The following EHBP1 variants were observed in gnomAD, a reference collection of about 807,000 sequenced individuals.
EHBP1 encodes EH domain-binding protein 1.
A neutral mutation model predicts 144.0 loss-of-function variants in EHBP1; 55 were observed. The observed-to-expected ratio is 0.38, with a 90% CI of 0.31 to 0.48. The LOEUF (loss-of-function observed/expected upper bound fraction) is 0.48. Ranked by LOEUF, EHBP1 falls within the 20% of genes least tolerant of loss-of-function variation. The pLI is 0.98. For missense variants in EHBP1, 1,200 were observed against 1,364.2 expected (o/e 0.88, Z 1.90); for synonymous variants, 469 against 472.7 (o/e 0.99, Z 0.10).
intron 1 of EHBP1, among the ~76,000 whole-genome samples, chr2:62,695,871 C>T (rs912558718): frequency 1.3e-5 from 2 of 152,050 alleles, no homozygotes; most frequent in African/African-American, 4.8e-5. Context: ...TGCCACCGCA[C>T]CCAGCTAATT....
At position 62,798,358 on chromosome 2, in the gene EHBP1, A is replaced by C. The variant is rs955152402; in HGVS notation, c.312+26966A>C. Reference sequence around the variant, plus strand: ...ACTCCAGCCTGGGTGACAGAGTGAGACTCCGTCAAAAAAAAAAAAAGAAAG... The same window carrying C: ...ACTCCAGCCTGGGTGACAGAGTGAGCCTCCGTCAAAAAAAAAAAAAGAAAG... On this transcript the variant is annotated intron_variant, in intron 5 of 22. Coordinates refer to ENST00000431489, the MANE Select transcript of EHBP1 (RefSeq NM_001142616.3). 6.6e-5 allele frequency among the ~76,000 whole-genome samples: 10 copies of C among 151,040 alleles called. No homozygotes were observed. The South Asian group carries it at 1.3e-3, about 19-fold the overall frequency.
intron 7 of EHBP1, among the ~76,000 whole-genome samples, chr2:62,851,262 A>C (rs573662237): frequency 6.6e-6 from 1 of 152,166 alleles, no homozygotes; most frequent in Non-Finnish European, 1.5e-5. Context: ...TGATCACAAC[A>C]ACCTTCATGA....
intron 1 of EHBP1, among the ~76,000 whole-genome samples, chr2:62,678,522 C>T (rs1425630299): frequency 3.3e-5 from 5 of 152,126 alleles, no homozygotes; most frequent in Admixed American, 1.3e-4. Flanking sequence ...TAACCTAGGG[C>T]CAGCATTAGA....
chr2:62,725,654 C>T (rs191867383), intron 2 of EHBP1, among the ~76,000 whole-genome samples: 2 of 152,228 alleles, frequency 1.3e-5, no homozygotes, highest in African/African-American at 4.8e-5. Flanking sequence ...GCCGAGGCTC[C>T]CATTGAAATA....
intron 2 of EHBP1, among the ~76,000 whole-genome samples, chr2:62,711,662 G>A (rs1159089512): frequency 1.3e-5 from 2 of 152,160 alleles, no homozygotes; most frequent in Non-Finnish European, 2.9e-5. Context: ...AGGCACTTCA[G>A]CATATAGAGG....
At chr2:62,724,947 G>A (rs985403064) in intron 2 of EHBP1, among the ~76,000 whole-genome samples, 1 of 152,178 alleles carries the variant, frequency 6.6e-6, no homozygotes, top group Non-Finnish European at 1.5e-5. Flanking sequence ...TGTCTTCCAT[G>A]AAATTGGTTC....
intron 5 of EHBP1, among the ~76,000 whole-genome samples, chr2:62,785,464 A>G (rs146595419): frequency 1.1e-4 from 17 of 152,262 alleles, no homozygotes; most frequent in African/African-American, 4.1e-4. Flanking sequence ...TTAGTGACTC[A>G]TTTCAAGGGC....
chr2:62,903,172 A>T (rs1405442435), intron 10 of EHBP1, among the ~76,000 whole-genome samples: 3 of 152,200 alleles, frequency 2.0e-5, no homozygotes, highest in African/African-American at 7.2e-5. Context: ...GGGCAAATTT[A>T]TGAGGAAAAA....
chr2:63,033,649 C>T (rs1033928478), intron 19 of EHBP1, among the ~76,000 whole-genome samples: 2 of 152,018 alleles, frequency 1.3e-5, no homozygotes, highest in Non-Finnish European at 2.9e-5. Context: ...TTCATAATTT[C>T]TGGTTTTTGA....
At chr2:62,973,437 A>T (rs1452864459) in intron 14 of EHBP1, among the ~76,000 whole-genome samples, 1 of 152,228 alleles carries the variant, frequency 6.6e-6, no homozygotes, top group East Asian at 1.9e-4. Context: ...TACTTTGGGA[A>T]TCATATAGTT....
chr2:62,866,472 T>A (rs966906956), intron 9 of EHBP1, among the ~76,000 whole-genome samples: 1 of 152,158 alleles, frequency 6.6e-6, no homozygotes, highest in Non-Finnish European at 1.5e-5. Flanking sequence ...AAGATCAACC[T>A]GGTAAAATAA....
chr2:62,680,841 C>T (rs182899398), intron 1 of EHBP1, among the ~76,000 whole-genome samples: 3 of 152,104 alleles, frequency 2.0e-5, no homozygotes, highest in Non-Finnish European at 2.9e-5. Flanking sequence ...TCGTTAGAAC[C>T]TAACTTTGGA....
At chr2:62,898,856 G>C (rs1383010281) in intron 10 of EHBP1, among the ~76,000 whole-genome samples, 1 of 152,124 alleles carries the variant, frequency 6.6e-6, no homozygotes, top group Non-Finnish European at 1.5e-5. Flanking sequence ...AGAATGTAAG[G>C]ATAATTTTGT....
At chr2:62,953,488 G>T (rs2057516496) in intron 13 of EHBP1, among the ~76,000 whole-genome samples, 1 of 151,858 alleles carries the variant, frequency 6.6e-6, no homozygotes, top group Admixed American at 6.6e-5. Flanking sequence ...GGTCAAGGCT[G>T]CAGTGAGCTG....
chr2:62,794,670 G>GT (rs1188216030), intron 5 of EHBP1, among the ~76,000 whole-genome samples: 3 of 151,918 alleles, frequency 2.0e-5, no homozygotes, highest in Middle Eastern at 3.4e-3. Flanking sequence ...AAATAATCAT[G>GT]TTTGCTTATA....
chr2:62,710,018 A>G (rs2151827152), intron 2 of EHBP1, among the ~76,000 whole-genome samples: 1 of 152,214 alleles, frequency 6.6e-6, no homozygotes, highest in African/African-American at 2.4e-5. Context: ...TGTTGTCCTT[A>G]TGTCATTTAA....
intron 5 of EHBP1, among the ~76,000 whole-genome samples, chr2:62,773,973 G>A (rs1469291021): frequency 6.6e-6 from 1 of 150,542 alleles, no homozygotes; most frequent in Non-Finnish European, 1.5e-5. Context: ...AAAACAGCAT[G>A]TGAAGGATCC....
chr2:62,773,132 G>A (rs911813428), intron 5 of EHBP1, among the ~76,000 whole-genome samples: 11 of 152,168 alleles, frequency 7.2e-5, no homozygotes, highest in Non-Finnish European at 1.5e-4. Context: ...TCAAAAGGAT[G>A]AGTTTATGTA....
At chr2:62,792,934 A>G (rs1287302672) in intron 5 of EHBP1, among the ~76,000 whole-genome samples, 2 of 151,782 alleles carry the variant, frequency 1.3e-5, no homozygotes, top group Non-Finnish European at 2.9e-5. Context: ...CTTATTTTTT[A>G]TTAGCACTTA....
Sources: gnomAD v4.1 joint callset for allele counts (sites outside exome capture counted in the v4.1 genomes callset) on GRCh38, gnomAD v4.1.1 for gene constraint, MANE v1.5 for transcripts, NCBI Gene and HGNC (gene_info 2026-07-23, HGNC 2026-07-21) for gene names.